Variants in TTK observed in about 807,000 individuals in gnomAD.
TTK encodes dual specificity protein kinase TTK.
Under a neutral mutation model 117.3 loss-of-function variants are expected in TTK, and 59 were observed. The observed-to-expected ratio is 0.50, with a 90% CI of 0.41 to 0.62. The LOEUF (loss-of-function observed/expected upper bound fraction) is 0.62, where lower values mean the gene tolerates loss of function less well. Among genes scored for constraint, TTK ranks in the 20% least tolerant of loss-of-function variants. The pLI is 0.00. For synonymous variants in TTK, 302 were observed against 325.0 expected, an observed-to-expected ratio of 0.93 and a Z score of 0.76; for missense variants, 921 against 989.4, an observed-to-expected ratio of 0.93 and a Z score of 0.93.
At chr6:80,020,083 T>A (rs187358128) in intron 10 of TTK, among the ~76,000 whole-genome samples, 3 of 152,170 alleles carry the variant, frequency 2.0e-5, no homozygotes, top group African/African-American at 7.2e-5. Context: ...CATGTATACA[T>A]ACAGGCACAA....
intron 13 of TTK, among the ~76,000 whole-genome samples, chr6:80,030,618 A>T (rs557836389): frequency 1.3e-5 from 2 of 152,090 alleles, no homozygotes; most frequent in Admixed American, 6.6e-5. Flanking sequence ...AGGGAGAGAG[A>T]GAGTTGGGGG....
intron 4 of TTK, among the ~76,000 whole-genome samples, chr6:80,009,075 A>C (rs1415132250): frequency 6.6e-6 from 1 of 151,942 alleles, no homozygotes; most frequent in East Asian, 1.9e-4. Context: ...GGACCAAGAC[A>C]ATCTCTTCCT....
intron 10 of TTK, among the ~76,000 whole-genome samples, chr6:80,017,785 C>T (rs1373901482): frequency 6.6e-6 from 1 of 152,162 alleles, no homozygotes; most frequent in Non-Finnish European, 1.5e-5. Flanking sequence ...GAGAAACTGA[C>T]ATCTTTACAA....
At chr6:80,018,182 C>CA (rs34640169) in intron 10 of TTK, among the ~76,000 whole-genome samples, 3,314 of 135,586 alleles carry the variant, frequency 0.024, 35 homozygotes, top group African/African-American at 0.043. Context: ...GACCTTGTCT[C>CA]AAAAAAAAAA....
chr6:80,031,607 TTC>T lies in TTK; in HGVS notation c.1614+50_1614+51del, dbSNP rs540348618. ...GAAATAAATAAAAATATTTTAAACT[TTC>T]TGTTTTTTTGTCTTTTTACCTGTGA... On this transcript the variant is annotated intron_variant, in intron 14 of 21. Coordinates refer to ENST00000369798, the MANE Select transcript of TTK (RefSeq NM_003318.5). 2,651 of 1,384,992 alleles carry T rather than the reference TTC, an allele frequency of 1.9e-3. 5 individuals are homozygous for T. Among genetic ancestry groups the T allele is most frequent in the Non-Finnish European group, 2.3e-3 (2,424 of 1,039,514 alleles). 85.8% of individuals were successfully genotyped at this position (1,384,992 alleles called of 1,614,324 possible).
Position 80,011,416 on chromosome 6 carries a change from G to GT in TTK, c.614-15dup. 1 of 1,510,712 alleles carries GT rather than the reference G, an allele frequency of 6.6e-7. No homozygotes were observed. The highest frequency in any genetic ancestry group is 1.3e-5 in the South Asian group (1 of 78,274). 93.6% of individuals were successfully genotyped at this position (1,510,712 alleles called of 1,614,324 possible). A position where few individuals can be genotyped will look rare whatever the true frequency, so the allele number is the denominator to read the frequency against. On this transcript the variant is annotated splice_polypyrimidine_tract_variant and intron_variant, in intron 5 of 21. Coordinates refer to ENST00000369798, the MANE Select transcript of TTK (RefSeq NM_003318.5). ...CTTATTTCTTATAAATTTAATCATAGTTTCAAAATTTTTACAGCATCTACG... is the reference window on the plus strand; with the variant it reads ...CTTATTTCTTATAAATTTAATCATAGTTTTCAAAATTTTTACAGCATCTACG...
chr6:80,011,193 T>C (rs1053489982), intron 5 of TTK, among the ~76,000 whole-genome samples: 1 of 151,874 alleles, frequency 6.6e-6, no homozygotes, highest in East Asian at 1.9e-4. Flanking sequence ...AGAGAATTTT[T>C]TTTTTTTTGC....
chr6:80,016,563 G>C (rs1767312907), intron 10 of TTK, among the ~76,000 whole-genome samples: 1 of 151,630 alleles, frequency 6.6e-6, no homozygotes, highest in African/African-American at 2.4e-5. Flanking sequence ...TATTTCTGTT[G>C]GTTTTTCTTT....
Position 80,042,298 on chromosome 6 carries a change from C to T in TTK, c.*96C>T, listed in dbSNP as rs1486512081. The T allele has an allele frequency of 3.0e-6, 3 of 992,230 alleles. No individual in the cohort carries two copies. Among genetic ancestry groups the T allele is most frequent in the African/African-American group, 1.6e-5 (1 of 61,580 alleles). The allele number at this position is 992,230 out of a possible 1,614,324, so 61.5% of individuals were successfully genotyped here. A position where few individuals can be genotyped will look rare whatever the true frequency, so the allele number is the denominator to read the frequency against. On this transcript the variant is annotated 3_prime_UTR_variant, in exon 22 of 22. Transcript: ENST00000369798. ...GGAAATCTACATTTGAAGACAACAT[C>T]ACTCTGAAGTGTTATCAGCAAAAAA...
Position 80,014,557 on chromosome 6 carries a change from C to A in TTK, c.1079C>A (p.Thr360Lys). 6.2e-7 allele frequency: 1 copy of A among 1,600,796 alleles called. No individual in the cohort carries two copies. Among genetic ancestry groups the A allele is most frequent in the Non-Finnish European group, 8.5e-7 (1 of 1,173,966 alleles). ...GATTCAATAACCCTGAAGAATAAAA[C>A]GGAATCAAGTCTTCTAGCTAAATTA... Reference protein sequence around the residue: ...ITDSITLKNKTESSLLAKLEE... With the variant: ...ITDSITLKNKKESSLLAKLEE... The change falls in exon 10 of 22, where the codon ACG (threonine) becomes AAG (lysine). Residue 360 changes from threonine to lysine, a missense_variant. By Grantham distance (78) the Thr-to-Lys change is moderately conservative. Coordinates refer to ENST00000369798, the MANE Select transcript of TTK (RefSeq NM_003318.5).
chr6:80,034,118 T>G (rs1767827775), intron 14 of TTK, among the ~76,000 whole-genome samples: 1 of 152,170 alleles, frequency 6.6e-6, no homozygotes, highest in Non-Finnish European at 1.5e-5. Flanking sequence ...ATGATAGAGT[T>G]GAAAAAAATC....
At chr6:80,036,648 A>G (rs1767914582) in intron 17 of TTK, 49 bp downstream of exon 17, 1 of 1,538,810 alleles carries the variant, frequency 6.5e-7, no homozygotes, top group Non-Finnish European at 8.7e-7. Context: ...TTCTTTTTTT[A>G]CCTGTGAAGT....
intron 10 of TTK, 93 bp downstream of exon 10, chr6:80,014,679 G>T: frequency 7.9e-7 from 1 of 1,258,410 alleles, no homozygotes; most frequent in Non-Finnish European, 1.1e-6. Context: ...GAATTATGAT[G>T]TGAAACTGTG....
chr6:80,006,745 T>G (rs980274487), intron 2 of TTK, among the ~76,000 whole-genome samples: 3 of 152,134 alleles, frequency 2.0e-5, no homozygotes, highest in African/African-American at 7.2e-5. Flanking sequence ...AATGTGTGTT[T>G]TTTAGACATT....
At chr6:80,028,085 T>G in intron 13 of TTK, 74 bp downstream of exon 13, 2 of 1,425,132 alleles carry the variant, frequency 1.4e-6, no homozygotes, top group Non-Finnish European at 1.9e-6. Context: ...TTATAGCATC[T>G]AGTTATCAAG....
intron 14 of TTK, 78 bp downstream of exon 14, chr6:80,031,637 G>C: frequency 8.9e-7 from 1 of 1,121,950 alleles, no homozygotes; most frequent in Non-Finnish European, 1.2e-6. Flanking sequence ...ACCTGTGAGG[G>C]CTGCTTTTCC....
chr6:80,030,057 G>C (rs73747984), intron 13 of TTK, among the ~76,000 whole-genome samples: 10,525 of 152,156 alleles, frequency 0.069, 408 homozygotes, highest in South Asian at 0.12. Context: ...TATAGACAAT[G>C]TATCTCAATC....
intron 3 of TTK, 30 bp downstream of exon 3, chr6:80,008,061 C>G (rs1164576828): frequency 6.2e-7 from 1 of 1,602,310 alleles, no homozygotes; most frequent in Non-Finnish European, 8.5e-7. Flanking sequence ...CTATGTTCAA[C>G]TATGTTACAT....
intron 8 of TTK, among the ~76,000 whole-genome samples, chr6:80,012,756 T>G (rs1468300465): frequency 2.6e-5 from 4 of 152,104 alleles, no homozygotes; most frequent in Non-Finnish European, 5.9e-5. Context: ...AGGTTAAGCT[T>G]TAAAGTCTTA....
Sources: gnomAD v4.1 joint callset for allele counts (sites outside exome capture counted in the v4.1 genomes callset) on GRCh38, gnomAD v4.1.1 for gene constraint, MANE v1.5 for transcripts, NCBI Gene and HGNC (gene_info 2026-07-23, HGNC 2026-07-21) for gene names.